ENPP1: variants seen among roughly 807,000 people sequenced by gnomAD.
ENPP1 encodes the protein ectonucleotide pyrophosphatase/phosphodiesterase family member 1.
In ENPP1, 73 loss-of-function variants were observed where a neutral mutation model predicts 122.8. That is an observed-to-expected ratio of 0.59 (90% CI 0.49 to 0.72). ENPP1 has a LOEUF of 0.72. ENPP1 is among the 30% of genes least tolerant of loss of function. The probability of loss-of-function intolerance (pLI) is 0.00; values close to 1 mark genes in which losing one functional copy is unlikely to be tolerated. For missense variants in ENPP1, 978 were observed against 1,128.1 expected, an observed-to-expected ratio of 0.87 and a Z score of 1.91; for synonymous variants, 367 against 391.6, an observed-to-expected ratio of 0.94 and a Z score of 0.74.
At chr6:131,871,470 G>A (rs553386922) in intron 13 of ENPP1, among the ~76,000 whole-genome samples, 1 of 152,264 alleles carries the variant, frequency 6.6e-6, no homozygotes, top group African/African-American at 2.4e-5. Flanking sequence ...AGTATACAAA[G>A]TAAAAAGAAA....
Position 131,861,630 on chromosome 6 carries a change from T to C in ENPP1, c.951T>C (p.Ser317=), listed in dbSNP as rs774753272. Reference sequence around the variant, plus strand: ...CAGCTAAGTATCAAGGCCTCAAGTCTGGCACATTTTTCTGGCCAGGATCAG... The same window carrying C: ...CAGCTAAGTATCAAGGCCTCAAGTCCGGCACATTTTTCTGGCCAGGATCAG... ...WVTAKYQGLK[S]GTFFWPGSDV... is the part of the protein sequence containing the mutation. The change falls in exon 9 of 25, where the codon TCT becomes TCC. Residue 317 remains serine, a synonymous_variant. Transcript: ENST00000647893. The C allele has an allele frequency of 3.1e-5, 50 of 1,613,778 alleles. No homozygotes were observed. Among genetic ancestry groups the C allele is most frequent in the Non-Finnish European group, 4.1e-5 (48 of 1,179,776 alleles).
In ENPP1 at chr6:131,886,542, A is replaced by G. The variant is rs1050983850; in HGVS notation, c.2445-20A>G. 8.9e-6 allele frequency: 14 copies of G among 1,581,150 alleles called. No individual in the cohort carries two copies. The highest frequency in any genetic ancestry group is 8.1e-5 in the African/African-American group (6 of 74,260). ...AGATAGTTATTTCTTTCTTAAAATG[A>G]ATATTGGCATGTTTTACAGAAAAAG... is the stretch of plus-strand genomic sequence containing the variant. On this transcript the variant is annotated intron_variant, in intron 23 of 24. Coordinates refer to ENST00000647893, the MANE Select transcript of ENPP1 (RefSeq NM_006208.3).
intron 1 of ENPP1, chr6:131,820,099 C>G (rs892344857): frequency 2.2e-6 from 1 of 461,930 alleles, no homozygotes; most frequent in South Asian, 2.0e-5. Context: ...CATCTTGCCC[C>G]CCTTCCCTGC....
intron 1 of ENPP1, chr6:131,828,073 A>G (rs1478002007): frequency 1.6e-5 from 10 of 634,382 alleles, no homozygotes; most frequent in Admixed American, 9.2e-5. Context: ...TTGCAAACCA[A>G]TGGAGCTGTT....
At chr6:131,881,656 G>A (rs1243495642) in intron 20 of ENPP1, among the ~76,000 whole-genome samples, 1 of 152,072 alleles carries the variant, frequency 6.6e-6, no homozygotes, top group Non-Finnish European at 1.5e-5. Context: ...GGCTGAGGAG[G>A]GCAGATCACG....
intron 12 of ENPP1, 105 bp from the exon 13 acceptor site, chr6:131,869,253 C>A: frequency 9.6e-7 from 1 of 1,042,864 alleles, no homozygotes; most frequent in Non-Finnish European, 1.5e-6. Context: ...GAGTGCTACA[C>A]CCATGTTTAA....
intron 11 of ENPP1, 69 bp from the exon 12 acceptor site, chr6:131,867,949 G>T: frequency 2.0e-4 from 178 of 880,770 alleles, no homozygotes; most frequent in Non-Finnish European, 3.0e-4. Flanking sequence ...TTTTAACAGA[G>T]ATAGCTTTAT....
intron 1 of ENPP1, among the ~76,000 whole-genome samples, chr6:131,817,853 G>A (rs537567809): frequency 6.6e-6 from 1 of 151,370 alleles, no homozygotes; most frequent in Non-Finnish European, 1.5e-5. Flanking sequence ...CATTTTGGAG[G>A]AAGTAAATTG....
In ENPP1 at chr6:131,878,571, G is replaced by A. The variant is rs746543383; in HGVS notation, c.1923G>A (p.Gln641=). The change falls in exon 19 of 25, where the codon CAG becomes CAA. Residue 641 remains glutamine, a synonymous_variant. Transcript: ENST00000647893. ...SILPIEDFQT[Q]FNLTVAEEKI... is the part of the protein sequence containing the mutation. ...TGCCGATTGAGGATTTTCAAACACA[G>A]TTCAATCTGACTGTGGCAGAAGGTA... is the stretch of plus-strand genomic sequence containing the variant. 13 of 1,613,160 alleles carry A rather than the reference G, an allele frequency of 8.1e-6. No homozygotes were observed. The highest frequency in any genetic ancestry group is 1.1e-5 in the Non-Finnish European group (13 of 1,179,288).
intron 1 of ENPP1, chr6:131,827,262 A>C (rs1474638831): frequency 1.7e-6 from 2 of 1,210,734 alleles, no homozygotes; most frequent in Non-Finnish European, 2.4e-6. Context: ...CTCTGATAGG[A>C]ATATGGAGAA....
intron 13 of ENPP1, among the ~76,000 whole-genome samples, chr6:131,871,032 C>T (rs1017533304): frequency 2.6e-5 from 4 of 151,552 alleles, no homozygotes; most frequent in African/African-American, 7.3e-5. Flanking sequence ...GCTGAGATTG[C>T]GCCACTGCAC....
chr6:131,887,045 T>TG (rs1446598253), intron 24 of ENPP1, among the ~76,000 whole-genome samples: 1 of 151,602 alleles, frequency 6.6e-6, no homozygotes, highest in Non-Finnish European at 1.5e-5. Flanking sequence ...ATTGCAGGTG[T>TG]GAGCCACCCT....
chr6:131,840,517 C>A (rs1490376400), intron 1 of ENPP1, among the ~76,000 whole-genome samples: 2 of 152,210 alleles, frequency 1.3e-5, no homozygotes, highest in Non-Finnish European at 2.9e-5. Context: ...TAGGAACTAC[C>A]ATTTATTCAG....
chr6:131,890,996 C>CA lies in ENPP1; in HGVS notation c.*495dup, dbSNP rs11384427. On this transcript the variant is annotated 3_prime_UTR_variant, in exon 25 of 25. Coordinates refer to ENST00000647893, the MANE Select transcript of ENPP1 (RefSeq NM_006208.3). ...GAGTTTCATTTCTTTTCATTGTAAT[C>CA]AAAAAAAAAATTAACAGAAGCCAAA... 9,954 of 150,852 alleles carry CA rather than the reference C, an allele frequency of 0.066. 583 individuals carry two copies. Among genetic ancestry groups the CA allele is most frequent in the African/African-American group, 0.16 (6,664 of 40,872 alleles). 9.3% of individuals were successfully genotyped at this position (150,852 alleles called of 1,614,324 possible). A position where few individuals can be genotyped will look rare whatever the true frequency, so the allele number is the denominator to read the frequency against.
chr6:131,845,659 A>G (rs1020174863), intron 1 of ENPP1, among the ~76,000 whole-genome samples: 5 of 151,898 alleles, frequency 3.3e-5, no homozygotes, highest in African/African-American at 9.7e-5. Context: ...GGGTTTCACC[A>G]TGTTGACCAG....
chr6:131,817,368 T>C (rs1368592275), intron 1 of ENPP1, among the ~76,000 whole-genome samples: 1 of 152,142 alleles, frequency 6.6e-6, no homozygotes, highest in African/African-American at 2.4e-5. Flanking sequence ...TGCCTCTATA[T>C]TGAGATATAT....
At chr6:131,851,357 C>A in intron 4 of ENPP1, 90 bp downstream of exon 4, 3 of 1,539,954 alleles carry the variant, frequency 1.9e-6, no homozygotes, top group South Asian at 2.2e-5. Flanking sequence ...TATTAGGAGT[C>A]ATGGCTATTG....
chr6:131,808,413 G>A, intron 1 of ENPP1, 138 bp downstream of exon 1: 10 of 1,148,086 alleles, frequency 8.7e-6, no homozygotes, highest in Non-Finnish European at 1.1e-5. Context: ...TCGCCCGCGC[G>A]CTCTCCTCCG....
At chr6:131,828,025 G>A (rs1781566362) in intron 1 of ENPP1, 3 of 678,864 alleles carry the variant, frequency 4.4e-6, no homozygotes, top group South Asian at 2.7e-5. Context: ...AGGCTGCAAA[G>A]AACAGTGTGT....
Sources: allele counts gnomAD v4.1 joint callset (sites outside exome capture counted in the v4.1 genomes callset), GRCh38; gene constraint gnomAD v4.1.1; transcripts MANE v1.5; gene names NCBI Gene and HGNC (gene_info 2026-07-23, HGNC 2026-07-21).